SBF2: variants seen among roughly 807,000 people sequenced by gnomAD.
The protein encoded by SBF2 is SET binding factor 2, also known as myotubularin-related protein 13.
SBF2 carries 112 observed loss-of-function variants against 225.2 expected under a neutral mutation model. That is an observed-to-expected ratio of 0.50 (90% confidence interval 0.43 to 0.58). The LOEUF is 0.58. SBF2 is among the 20% of genes least tolerant of loss of function. The pLI is 0.00. For missense variants in SBF2, 1,996 were observed against 2,206.2 expected (o/e 0.90, Z 1.91); for synonymous variants, 763 against 773.3 (o/e 0.99, Z 0.22).
intron 16 of SBF2, among the ~76,000 whole-genome samples, chr11:9,915,399 A>G (rs116959256): frequency 0.076 from 11,389 of 150,610 alleles, 503 homozygotes; most frequent in Non-Finnish European, 0.097. Flanking sequence ...GTAAGCCGAG[A>G]TCGCGCCACT....
At chr11:10,151,314 G>A (rs902637618) in intron 2 of SBF2, among the ~76,000 whole-genome samples, 25 of 152,170 alleles carry the variant, frequency 1.6e-4, no homozygotes, top group African/African-American at 6.0e-4. Context: ...GATTAGGGAG[G>A]AAGAGCACAA....
chr11:10,082,841 G>A (rs1039626141), intron 2 of SBF2, among the ~76,000 whole-genome samples: 11 of 152,130 alleles, frequency 7.2e-5, no homozygotes, highest in Admixed American at 3.9e-4. Flanking sequence ...AAGGATGCTC[G>A]CTATCACCAC....
intron 17 of SBF2, among the ~76,000 whole-genome samples, chr11:9,892,016 A>G (rs1342372532): frequency 1.3e-5 from 2 of 152,258 alleles, no homozygotes; most frequent in African/African-American, 4.8e-5. Flanking sequence ...TATATGTGCT[A>G]TTATGAGAGG....
intron 24 of SBF2, among the ~76,000 whole-genome samples, chr11:9,844,988 T>C (rs544383225): frequency 2.6e-5 from 4 of 152,234 alleles, no homozygotes; most frequent in African/African-American, 7.2e-5. Context: ...TGTGATGTAC[T>C]TAAGGATAAA....
At chr11:10,173,830 C>T (rs1172542707) in intron 2 of SBF2, among the ~76,000 whole-genome samples, 1 of 151,026 alleles carries the variant, frequency 6.6e-6, no homozygotes. Flanking sequence ...AGGCAGACTG[C>T]CTCCTCAAGT....
At chr11:9,812,903 G>C (rs1382379142) in intron 29 of SBF2, 195 bp from the exon 30 acceptor site, 2 of 631,254 alleles carry the variant, frequency 3.2e-6, no homozygotes, top group Non-Finnish European at 5.6e-6. Flanking sequence ...ACAAGCTAGT[G>C]GTTTGCCCAG....
At chr11:9,801,410 A>G (rs1359763468) in intron 32 of SBF2, among the ~76,000 whole-genome samples, 1 of 152,120 alleles carries the variant, frequency 6.6e-6, no homozygotes, top group Non-Finnish European at 1.5e-5. Flanking sequence ...TGTAAAATTT[A>G]AAGGCCTATA....
At chr11:10,038,765 C>T (rs553249237) in intron 3 of SBF2, among the ~76,000 whole-genome samples, 1 of 151,778 alleles carries the variant, frequency 6.6e-6, no homozygotes, top group South Asian at 2.1e-4. Flanking sequence ...GATGACACAC[C>T]AAATGTTCTC....
At chr11:10,274,301 G>T (rs1318919660) in intron 1 of SBF2, among the ~76,000 whole-genome samples, 1 of 152,150 alleles carries the variant, frequency 6.6e-6, no homozygotes, top group African/African-American at 2.4e-5. Context: ...TTTCTGTTCA[G>T]GTACCTAGAA....
chr11:10,069,262 C>T (rs531031677), intron 2 of SBF2, among the ~76,000 whole-genome samples: 199 of 151,712 alleles, frequency 1.3e-3, no homozygotes, highest in Admixed American at 2.4e-3. Context: ...TTGCTGCACC[C>T]ATCAACTCAT....
At chr11:10,259,576 C>T (rs1961228954) in intron 1 of SBF2, among the ~76,000 whole-genome samples, 1 of 152,158 alleles carries the variant, frequency 6.6e-6, no homozygotes, top group Non-Finnish European at 1.5e-5. Context: ...GCCTTAGCCA[C>T]AGGGAATCCC....
chr11:10,156,756 G>C (rs1478404339), intron 2 of SBF2, among the ~76,000 whole-genome samples: 1 of 152,146 alleles, frequency 6.6e-6, no homozygotes, highest in Non-Finnish European at 1.5e-5. Flanking sequence ...CCACTGCCCA[G>C]AGAAATCAGA....
At chr11:9,781,452 A>T (rs753980044) in intron 39 of SBF2, 55 bp downstream of exon 39, 49 of 1,607,132 alleles carry the variant, frequency 3.0e-5, no homozygotes, top group Admixed American at 5.0e-5. Flanking sequence ...ATTCTTGGAG[A>T]CAGACAGAAT....
At chr11:9,985,636 TATATC>T (rs1947169096) in intron 13 of SBF2, among the ~76,000 whole-genome samples, 1 of 152,098 alleles carries the variant, frequency 6.6e-6, no homozygotes, top group African/African-American at 2.4e-5. Flanking sequence ...TAGCTATTCT[TATATC>T]AGGCAAAACA....
intron 29 of SBF2, among the ~76,000 whole-genome samples, chr11:9,813,201 T>C (rs1260994242): frequency 2.0e-5 from 3 of 152,208 alleles, no homozygotes; most frequent in African/African-American, 7.2e-5. Context: ...TTTGTAGATA[T>C]GCACATATTT....
intron 13 of SBF2, among the ~76,000 whole-genome samples, chr11:9,980,798 CTT>C (rs202166834): frequency 0.04 from 6,115 of 152,012 alleles, 150 homozygotes; most frequent in Middle Eastern, 0.12. Flanking sequence ...GATCTCCTGA[CTT>C]TGTGATCTGC....
At chr11:10,206,676 CTA>C (rs1308725862) in intron 1 of SBF2, among the ~76,000 whole-genome samples, 9 of 151,894 alleles carry the variant, frequency 5.9e-5, no homozygotes, top group Admixed American at 5.9e-4. Flanking sequence ...AATTATAAAA[CTA>C]AAAAATAAAA....
chr11:10,041,230 A>G (rs1244242440), intron 3 of SBF2, among the ~76,000 whole-genome samples: 1 of 152,142 alleles, frequency 6.6e-6, no homozygotes, highest in African/African-American at 2.4e-5. Context: ...CTTGGGCTAG[A>G]GAACACTCTC....
intron 6 of SBF2, among the ~76,000 whole-genome samples, chr11:10,014,852 T>A (rs1470680789): frequency 6.6e-6 from 1 of 152,108 alleles, no homozygotes; most frequent in African/African-American, 2.4e-5. Context: ...GTACCAGGCC[T>A]GGTGCAGTGG....
Sources: allele counts gnomAD v4.1 joint callset (sites outside exome capture counted in the v4.1 genomes callset), GRCh38; gene constraint gnomAD v4.1.1; transcripts MANE v1.5; gene names NCBI Gene and HGNC (gene_info 2026-07-23, HGNC 2026-07-21).